Variants in WDR7 observed in about 807,000 individuals in gnomAD.
WDR7 encodes WD repeat-containing protein 7.
Under a neutral mutation model 169.4 loss-of-function variants are expected in WDR7, and 46 were observed. The observed-to-expected ratio is 0.27, with a 90% CI of 0.21 to 0.35. The LOEUF is 0.35. Ranked by LOEUF, WDR7 falls within the 10% of genes least tolerant of loss-of-function variation. The pLI is 1.00. For missense variants in WDR7, 1,534 were observed against 1,859.3 expected, an observed-to-expected ratio of 0.83 and a Z score of 3.22; for synonymous variants, 612 against 666.8, an observed-to-expected ratio of 0.92 and a Z score of 1.27.
chr18:56,759,042 T>G (rs1479258086), intron 16 of WDR7, 89 bp downstream of exon 16: 1 of 972,938 alleles, frequency 1.0e-6, no homozygotes, highest in East Asian at 3.0e-5. Context: ...TAATATTTGT[T>G]TGTCTTGGAT....
chr18:56,774,362 G>A (rs2044210603), intron 16 of WDR7, among the ~76,000 whole-genome samples: 3 of 152,054 alleles, frequency 2.0e-5, no homozygotes, highest in Non-Finnish European at 2.9e-5. Flanking sequence ...TGTCACACAC[G>A]TTTATTTATC....
rs17090472 is a variant in WDR7, at chr18:57,010,963, G to A, written c.4165-9782G>A. On this transcript the variant is annotated intron_variant, in intron 26 of 27. Coordinates refer to ENST00000254442, the MANE Select transcript of WDR7 (RefSeq NM_015285.3). ...AGCGTTTTTAAGTTTGGTAAGCAAC[G>A]ATTGGCTTAAATGTTTATTCTCTAT... Among the ~76,000 whole-genome samples the A allele has an allele frequency of 8.3e-3, 1,260 of 152,188 alleles. 16 individuals carry two copies. The highest frequency in any genetic ancestry group is 0.029 in the African/African-American group (1,198 of 41,542).
intron 14 of WDR7, among the ~76,000 whole-genome samples, chr18:56,747,693 C>T (rs1185035313): frequency 1.3e-5 from 2 of 152,076 alleles, no homozygotes; most frequent in Non-Finnish European, 2.9e-5. Flanking sequence ...ATTAGGAGGA[C>T]GGTGGGGAAG....
intron 6 of WDR7, among the ~76,000 whole-genome samples, 170 bp downstream of exon 6, chr18:56,686,202 T>G (rs2025440701): frequency 6.6e-6 from 1 of 152,072 alleles, no homozygotes; most frequent in Non-Finnish European, 1.5e-5. Flanking sequence ...GCTATGGGAG[T>G]GAATTTTTTA....
At chr18:56,922,715 G>A (rs2046744206) in intron 21 of WDR7, among the ~76,000 whole-genome samples, 1 of 152,112 alleles carries the variant, frequency 6.6e-6, no homozygotes, top group African/African-American at 2.4e-5. Context: ...CCATGACTGA[G>A]AAGAAATTCA....
At chr18:56,765,866 T>G (rs1035634460) in intron 16 of WDR7, among the ~76,000 whole-genome samples, 3 of 152,206 alleles carry the variant, frequency 2.0e-5, no homozygotes, top group Non-Finnish European at 4.4e-5. Flanking sequence ...CGTGCAGGTT[T>G]GCTACATGGA....
chr18:56,858,748 A>G (rs1249107224), intron 20 of WDR7, among the ~76,000 whole-genome samples: 1 of 152,208 alleles, frequency 6.6e-6, no homozygotes, highest in African/African-American at 2.4e-5. Flanking sequence ...TTAATTCAAC[A>G]AATATTTATT....
At chr18:56,663,535 T>C (rs1410639546) in intron 1 of WDR7, among the ~76,000 whole-genome samples, 1 of 152,110 alleles carries the variant, frequency 6.6e-6, no homozygotes, top group Non-Finnish European at 1.5e-5. Context: ...TATAAGTTAC[T>C]TTCAAGTGGT....
intron 19 of WDR7, among the ~76,000 whole-genome samples, chr18:56,808,642 A>T (rs60328203): frequency 0.02 from 3,004 of 152,228 alleles, 100 homozygotes; most frequent in African/African-American, 0.066. Context: ...TTTCATGTTA[A>T]TCACATGACA....
At chr18:56,896,656 G>T (rs1425778952) in intron 21 of WDR7, among the ~76,000 whole-genome samples, 1 of 151,696 alleles carries the variant, frequency 6.6e-6, no homozygotes, top group Non-Finnish European at 1.5e-5. Flanking sequence ...TAATGAAATT[G>T]GATCACCTAA....
chr18:56,651,405 G>A lies in WDR7; in HGVS notation c.-191G>A. 6.5e-6 allele frequency: 1 copy of A among 153,518 alleles called. No homozygotes were observed. Among genetic ancestry groups the A allele is most frequent in the South Asian group, 2.0e-4 (1 of 4,998 alleles). 9.5% of individuals were successfully genotyped at this position (153,518 alleles called of 1,614,324 possible). A position where few individuals can be genotyped will look rare whatever the true frequency, so the allele number is the denominator to read the frequency against. On this transcript the variant is annotated 5_prime_UTR_variant, in exon 1 of 28. Transcript: ENST00000254442. ...GCGGCGGCGGCACCGGCACCTTGCA[G>A]TATCACTGGGGAGACGGCGGCTGTA...
chr18:56,987,599 A>G (rs2047742822), intron 26 of WDR7, among the ~76,000 whole-genome samples: 1 of 152,234 alleles, frequency 6.6e-6, no homozygotes, highest in South Asian at 2.1e-4. Context: ...AGTTGTTTAT[A>G]AAAATAGAAC....
intron 22 of WDR7, among the ~76,000 whole-genome samples, chr18:56,928,851 T>G (rs1324426388): frequency 6.6e-6 from 1 of 152,224 alleles, no homozygotes; most frequent in Non-Finnish European, 1.5e-5. Context: ...CAAACCCTAC[T>G]CTAGCTTATT....
At chr18:56,750,008 T>C (rs999074398) in intron 14 of WDR7, among the ~76,000 whole-genome samples, 2 of 147,022 alleles carry the variant, frequency 1.4e-5, no homozygotes, top group African/African-American at 4.9e-5. Context: ...TGTGTATGGG[T>C]GTGTGTGTGT....
At chr18:56,895,401 G>C (rs943689684) in intron 21 of WDR7, among the ~76,000 whole-genome samples, 3 of 151,864 alleles carry the variant, frequency 2.0e-5, no homozygotes, top group Admixed American at 6.6e-5. Context: ...GAGGAATGCA[G>C]ATGACAATAC....
rs1170995431 is a variant in WDR7 at position 56,681,376 on chromosome 18, A to T, written c.330A>T (p.Thr110=). ...RCIEFTKLAC[T]HTGIQFYQFS... ...TTGAATTTACAAAATTAGCTTGCACACATACTGGCATACAGGTTAGTTTCT... is the reference window on the plus strand; with the variant it reads ...TTGAATTTACAAAATTAGCTTGCACTCATACTGGCATACAGGTTAGTTTCT... Residue 110 remains threonine, a synonymous_variant, in exon 4 of 28, where the codon ACA becomes ACT. Transcript: ENST00000254442. 3 of 1,590,444 alleles carry T rather than the reference A, an allele frequency of 1.9e-6. No homozygotes were observed. The Admixed American group carries it at 5.6e-5, about 30-fold the overall frequency.
At chr18:56,926,582 G>T (rs1165764969) in intron 22 of WDR7, among the ~76,000 whole-genome samples, 8 of 152,100 alleles carry the variant, frequency 5.3e-5, no homozygotes, top group Admixed American at 5.2e-4. Flanking sequence ...GATGTGCTTA[G>T]GTCTTATCTA....
At chr18:57,007,952 A>T (rs919958436) in intron 26 of WDR7, among the ~76,000 whole-genome samples, 3 of 152,092 alleles carry the variant, frequency 2.0e-5, no homozygotes, top group Admixed American at 6.5e-5. Flanking sequence ...TTCCTTCCAC[A>T]TCTCTCTATG....
intron 1 of WDR7, among the ~76,000 whole-genome samples, chr18:56,660,491 A>G (rs118029199): frequency 4.6e-5 from 7 of 152,264 alleles, no homozygotes; most frequent in Non-Finnish European, 1.0e-4. Context: ...AAATTTGAAA[A>G]AAATCCAAAA....
Sources: allele counts gnomAD v4.1 joint callset (sites outside exome capture counted in the v4.1 genomes callset), GRCh38; gene constraint gnomAD v4.1.1; transcripts MANE v1.5; gene names NCBI Gene and HGNC (gene_info 2026-07-23, HGNC 2026-07-21).